The following PALD1 variants were observed in gnomAD, a reference collection of about 807,000 sequenced individuals.
PALD1 encodes the protein paladin.
In PALD1, 57 loss-of-function variants were observed where a neutral mutation model predicts 96.0. The ratio of observed to expected loss-of-function variants is 0.59; its 90% CI spans 0.48 to 0.74. The LOEUF is 0.74. PALD1 is among the 30% of genes least tolerant of loss of function. The pLI is 0.00. For synonymous variants in PALD1, 464 were observed against 473.6 expected (o/e 0.98, Z 0.26); for missense variants, 1,063 against 1,143.7 (o/e 0.93, Z 1.02).
At chr10:70,534,908 G>GGCT in intron 10 of PALD1, 65 bp downstream of exon 10, 1 of 1,097,606 alleles carries the variant, frequency 9.1e-7, no homozygotes, top group Non-Finnish European at 1.4e-6. Flanking sequence ...GATTTCATTA[G>GGCT]GCATGTTGAC....
Position 70,539,706 on chromosome 10 carries a change from C to T in PALD1, c.1852C>T (p.Pro618Ser), listed in dbSNP as rs1391848982. ...CTTCAGCCAGCACCGCAGGGCCTGT[C>T]CTGGCCTCACCTACCACCGCATCCC... ...EVFSQHRRAC[P>S]GLTYHRIPMP... The change falls in exon 15 of 20, where the codon CCT becomes TCT. Residue 618 changes from proline (P) to serine (S), a missense_variant. Physicochemically the swap from Pro to Ser is moderately conservative, Grantham distance 74. Coordinates refer to ENST00000263563, the MANE Select transcript of PALD1 (RefSeq NM_014431.3). This position sits in a 1 kb window ranked among gnomAD's most constrained non-coding sequence, Gnocchi z 4.5. 4 of 1,613,496 alleles carry T rather than the reference C, an allele frequency of 2.5e-6. No individual in the cohort carries two copies. The highest frequency in any genetic ancestry group is 2.2e-5 in the South Asian group (2 of 91,042).
In PALD1 at chr10:70,568,146, A is replaced by G. The variant is rs551161698; in HGVS notation, c.*1413A>G. 1 of 152,244 alleles carries G rather than the reference A, an allele frequency of 6.6e-6. No homozygotes were observed. Among genetic ancestry groups the G allele is most frequent in the East Asian group, 1.9e-4 (1 of 5,198 alleles). 9.4% of individuals were successfully genotyped at this position (152,244 alleles called of 1,614,324 possible). A position where few individuals can be genotyped will look rare whatever the true frequency, so the allele number is the denominator to read the frequency against. ...CTGTGTGTCTGTTCACTACCTTTTC[A>G]GGTTTATTGTTTTTATTTTTGCATG... On this transcript the variant is annotated 3_prime_UTR_variant, in exon 20 of 20. Transcript: ENST00000263563.
Position 70,557,930 on chromosome 10 carries a change from C to CTTTTTTTTTTTTTTT in PALD1, c.2263-6428_2263-6414dup, listed in dbSNP as rs781513750. On this transcript the variant is annotated intron_variant, in intron 18 of 19. Coordinates refer to ENST00000263563, the MANE Select transcript of PALD1 (RefSeq NM_014431.3). ...CTGAACCTGGCCTTGTTGGCTCTTC[C>CTTTTTTTTTTTTTTT]TTTTTTTTTTTTTTTTTTTTAGAGA... 2.0e-3 allele frequency among the ~76,000 whole-genome samples: 184 copies of CTTTTTTTTTTTTTTT among 92,880 alleles called. 14 individuals carry two copies. The highest frequency in any genetic ancestry group is 7.0e-3 in the African/African-American group (175 of 25,078). The allele number at this position is 92,880 out of a possible 152,430, so 60.9% of individuals were successfully genotyped here. A position where few individuals can be genotyped will look rare whatever the true frequency, so the allele number is the denominator to read the frequency against.
At chr10:70,463,255 T>A in the PALD1 span, among the ~76,000 whole-genome samples, 1 of 151,884 alleles carries the variant, frequency 6.6e-6, no homozygotes, top group Non-Finnish European at 1.5e-5. Flanking sequence ...ATGCAAAAAA[T>A]TAGCCGGGCA....
At chr10:70,516,920 C>T (rs912276035) in intron 1 of PALD1, among the ~76,000 whole-genome samples, 1 of 151,820 alleles carries the variant, frequency 6.6e-6, no homozygotes, top group Non-Finnish European at 1.5e-5. Flanking sequence ...CTTCAGAATC[C>T]GGTATGTATG....
At chr10:70,517,038 A>G (rs770905900) in intron 1 of PALD1, among the ~76,000 whole-genome samples, 1 of 151,940 alleles carries the variant, frequency 6.6e-6, no homozygotes, top group Non-Finnish European at 1.5e-5. Flanking sequence ...TCCCCCAAAC[A>G]CCTAGAATCA....
At chr10:70,534,924 T>C (rs1847078577) in intron 10 of PALD1, 81 bp downstream of exon 10, 1 of 965,028 alleles carries the variant, frequency 1.0e-6, no homozygotes, top group Non-Finnish European at 1.6e-6. Context: ...TTGACTGGTT[T>C]CTTTCAGACT....
chr10:70,467,144 G>C, the PALD1 span, among the ~76,000 whole-genome samples: 5 of 152,220 alleles, frequency 3.3e-5, no homozygotes, highest in East Asian at 5.8e-4. Flanking sequence ...CAGCTTCTGG[G>C]GGGTATGGGA....
At chr10:70,551,883 G>T (rs1847487059) in intron 18 of PALD1, among the ~76,000 whole-genome samples, 1 of 149,578 alleles carries the variant, frequency 6.7e-6, no homozygotes, top group South Asian at 2.2e-4. Context: ...AGCTTAGGTG[G>T]CTCAGGTTGA....
chr10:70,460,156 C>T, the PALD1 span, among the ~76,000 whole-genome samples: 1 of 152,184 alleles, frequency 6.6e-6, no homozygotes, highest in Non-Finnish European at 1.5e-5. Context: ...CCTGCTCAGT[C>T]CTCTTTGTCT....
At position 70,507,403 on chromosome 10, in the gene PALD1, ACTC is replaced by A. The variant is rs1564689898; in HGVS notation, c.-29-18519_-29-18517del. 6.6e-5 allele frequency among the ~76,000 whole-genome samples: 10 copies of A among 152,076 alleles called. No homozygotes were observed. The East Asian group carries it at 1.9e-3, about 29-fold the overall frequency. ...CTCCAGCCTGGGCTACAAGAGCGAA[ACTC>A]TGTCTCAAAAAACAAACAAACAAAC... On this transcript the variant is annotated intron_variant, in intron 1 of 19. Coordinates refer to ENST00000263563, the MANE Select transcript of PALD1 (RefSeq NM_014431.3).
chr10:70,566,667 G>C lies in PALD1; in HGVS notation c.2505G>C (p.Arg835Ser). Reference sequence around the variant, plus strand: ...GCGGGGAGGACCAGCCCTTCTCCAGGCTGCGCTACCGGTGGCAGGAGCAGA... The same window carrying C: ...GCGGGGAGGACCAGCCCTTCTCCAGCCTGCGCTACCGGTGGCAGGAGCAGA... ...LESGEDQPFS[R>S]LRYRWQEQSC... Residue 835 changes from arginine to serine, a missense_variant, in exon 20 of 20, where the codon AGG becomes AGC. Physicochemically the swap from Arg to Ser is moderately radical, Grantham distance 110. Coordinates refer to ENST00000263563, the MANE Select transcript of PALD1 (RefSeq NM_014431.3). 6.2e-7 allele frequency: 1 copy of C among 1,609,686 alleles called. No individual in the cohort carries two copies. Among genetic ancestry groups the C allele is most frequent in the Non-Finnish European group, 8.5e-7 (1 of 1,178,902 alleles).
intron 1 of PALD1, among the ~76,000 whole-genome samples, chr10:70,507,885 A>G (rs1846425796): frequency 6.6e-6 from 1 of 152,114 alleles, no homozygotes; most frequent in Non-Finnish European, 1.5e-5. Context: ...TTGTTTATCC[A>G]AGTGGCTCCT....
chr10:70,476,177 T>C (rs78201076), upstream of PALD1, among the ~76,000 whole-genome samples: 836 of 152,238 alleles, frequency 5.5e-3, 3 homozygotes, highest in African/African-American at 0.019. Context: ...TCAGGGGATT[T>C]TGGGCTTCTG....
chr10:70,560,834 G>A (rs1031151701), intron 18 of PALD1, among the ~76,000 whole-genome samples: 24 of 152,008 alleles, frequency 1.6e-4, no homozygotes, highest in African/African-American at 5.6e-4. Context: ...GCCTTGTCCG[G>A]CTCCACCACA....
rs781386251 is a variant in PALD1 at position 70,538,845 on chromosome 10, G to A, written c.1453-47G>A. The A allele has an allele frequency of 2.6e-6, 4 of 1,527,786 alleles. No homozygotes were observed. In the Admixed American group the frequency reaches 5.0e-5, roughly 19 times the overall value. 94.6% of individuals were successfully genotyped at this position (1,527,786 alleles called of 1,614,324 possible). On this transcript the variant is annotated intron_variant, in intron 12 of 19. Transcript: ENST00000263563. The stretch of plus-strand genomic sequence containing the variant: ...GGGCCAGGTCCTGACCCTTTCTGCG[G>A]CTACAGTCGGCTGCTGTGGGTCCCA...
At chr10:70,480,452 G>C (rs1184866574) in intron 1 of PALD1, among the ~76,000 whole-genome samples, 2 of 152,186 alleles carry the variant, frequency 1.3e-5, no homozygotes, top group Admixed American at 6.5e-5. Context: ...ACAGACCCCA[G>C]GTGGTGCATG....
At chr10:70,517,138 C>T (rs978271993) in intron 1 of PALD1, among the ~76,000 whole-genome samples, 5 of 152,130 alleles carry the variant, frequency 3.3e-5, no homozygotes, top group African/African-American at 1.2e-4. Context: ...GGAGGTGCTA[C>T]TGTTGTTCCC....
chr10:70,519,573 C>CTTTCTTTTT (rs1240665131), intron 1 of PALD1, among the ~76,000 whole-genome samples: 1 of 133,700 alleles, frequency 7.5e-6, no homozygotes, highest in Non-Finnish European at 1.6e-5. Flanking sequence ...TTCTTTCTTT[C>CTTTCTTTTT]TTTTTTTTTT....
Sources: gnomAD v4.1 joint callset for allele counts (sites outside exome capture counted in the v4.1 genomes callset) on GRCh38, gnomAD v4.1.1 for gene constraint, Gnocchi (gnomAD v3.1) non-coding constraint, MANE v1.5 for transcripts, NCBI Gene and HGNC (gene_info 2026-07-23, HGNC 2026-07-21) for gene names.